Variants in GPC6 observed in about 807,000 individuals in gnomAD.
GPC6 encodes glypican-6.
In GPC6, 14 loss-of-function variants were observed where a neutral mutation model predicts 55.2. That is an observed-to-expected ratio of 0.25 (90% CI 0.17 to 0.40). The LOEUF is 0.40. GPC6 is among the 10% of genes least tolerant of loss of function. GPC6 has a pLI of 1.00. For missense variants in GPC6, 641 were observed against 708.5 expected (o/e 0.90, Z 1.08); for synonymous variants, 278 against 259.6 (o/e 1.07, Z -0.68).
chr13:93,563,496 C>T (rs1220299162), intron 2 of GPC6, among the ~76,000 whole-genome samples: 1 of 152,004 alleles, frequency 6.6e-6, no homozygotes, highest in Admixed American at 6.6e-5. Flanking sequence ...ACAAACAAAA[C>T]AGCCCTGGGC....
intron 1 of GPC6, among the ~76,000 whole-genome samples, chr13:93,274,652 G>A (rs961876146): frequency 1.3e-5 from 2 of 152,142 alleles, no homozygotes; most frequent in Non-Finnish European, 2.9e-5. Flanking sequence ...AATAGAACCT[G>A]CCTTCAGATA....
chr13:93,551,480 T>G (rs922968183), intron 2 of GPC6, among the ~76,000 whole-genome samples: 1 of 152,190 alleles, frequency 6.6e-6, no homozygotes, highest in South Asian at 2.1e-4. Context: ...TAGGTTATTC[T>G]TTTGAAAGCA....
At chr13:94,302,048 G>A (rs908804781) in intron 5 of GPC6, among the ~76,000 whole-genome samples, 15 of 152,090 alleles carry the variant, frequency 9.9e-5, no homozygotes, top group Admixed American at 9.2e-4. Flanking sequence ...AAATTGAGAC[G>A]GTCCAAATTT....
intron 1 of GPC6, among the ~76,000 whole-genome samples, chr13:93,488,157 C>T (rs2067396437): frequency 6.6e-6 from 1 of 152,012 alleles, no homozygotes; most frequent in Non-Finnish European, 1.5e-5. Flanking sequence ...GTGTGATGTT[C>T]CCCTTCCTGT....
At chr13:94,268,894 T>C (rs1020313901) in intron 4 of GPC6, among the ~76,000 whole-genome samples, 2 of 152,180 alleles carry the variant, frequency 1.3e-5, no homozygotes, top group Non-Finnish European at 1.5e-5. Flanking sequence ...CTCTTGAGTA[T>C]GGACATTTTA....
At chr13:93,972,319 AG>A (rs1182788903) in intron 3 of GPC6, among the ~76,000 whole-genome samples, 1 of 152,180 alleles carries the variant, frequency 6.6e-6, no homozygotes, top group African/African-American at 2.4e-5. Flanking sequence ...CCTAAGAAAA[AG>A]AATAGGGATC....
rs1470074012 is a variant in GPC6, at chr13:94,115,460, TTTTC to T, written c.877+87571_877+87574del. Among the ~76,000 whole-genome samples the T allele has an allele frequency of 3.3e-5, 5 of 152,114 alleles. 1 individual carries two copies. The South Asian group carries it at 8.3e-4, about 25-fold the overall frequency. On this transcript the variant is annotated intron_variant, in intron 4 of 8. Transcript: ENST00000377047. ...AATCTCTTCAAACAAAGGGACTGCTTTTTCTTTCATTCAACCTGATTTCTCTGCC... is the reference window on the plus strand; with the variant it reads ...AATCTCTTCAAACAAAGGGACTGCTTTTTCATTCAACCTGATTTCTCTGCC...
At chr13:93,364,623 A>C (rs563496076) in intron 1 of GPC6, among the ~76,000 whole-genome samples, 1 of 151,896 alleles carries the variant, frequency 6.6e-6, no homozygotes, top group Non-Finnish European at 1.5e-5. Flanking sequence ...TATCTCTAAA[A>C]CAATTTCATA....
At chr13:94,151,837 C>A (rs1887753695) in intron 4 of GPC6, among the ~76,000 whole-genome samples, 1 of 152,114 alleles carries the variant, frequency 6.6e-6, no homozygotes, top group Non-Finnish European at 1.5e-5. Context: ...GTCTGTTATC[C>A]TTAGTGCAGA....
At chr13:94,104,641 G>C (rs555454596) in intron 4 of GPC6, among the ~76,000 whole-genome samples, 561 of 152,184 alleles carry the variant, frequency 3.7e-3, no homozygotes, top group Non-Finnish European at 5.0e-3. Context: ...AATCAATGTA[G>C]AAAAATCACA....
At chr13:93,580,916 A>G (rs1420962956) in intron 2 of GPC6, among the ~76,000 whole-genome samples, 1 of 152,168 alleles carries the variant, frequency 6.6e-6, no homozygotes, top group African/African-American at 2.4e-5. Flanking sequence ...TTCTGAATGT[A>G]TAGCTTACCA....
At chr13:93,375,762 G>A (rs1385764135) in intron 1 of GPC6, among the ~76,000 whole-genome samples, 4 of 152,072 alleles carry the variant, frequency 2.6e-5, no homozygotes, top group South Asian at 2.1e-4. Flanking sequence ...ACAGATTCCT[G>A]TGCCAGGCCA....
At position 94,261,134 on chromosome 13, in the gene GPC6, CGTG is replaced by C. The variant is rs1328833690; in HGVS notation, c.878-25207_878-25205del. On this transcript the variant is annotated intron_variant, in intron 4 of 8. Transcript: ENST00000377047. ...ACTAAAAATACAAAAATTAGCCAGG[CGTG>C]GTGGTGGGCGCCTATAATCCCAGCT... Among the ~76,000 whole-genome samples, 9 of 152,056 alleles carry C rather than the reference CGTG, an allele frequency of 5.9e-5. No homozygotes were observed. In the South Asian group the frequency reaches 6.3e-4, roughly 11 times the overall value.
At chr13:94,055,987 A>G (rs994943936) in intron 4 of GPC6, among the ~76,000 whole-genome samples, 5 of 152,110 alleles carry the variant, frequency 3.3e-5, no homozygotes, top group South Asian at 2.1e-4. Flanking sequence ...ACCACCACCT[A>G]ACAGGACTCT....
In GPC6 at chr13:93,259,728, T is replaced by C. The variant is rs1877072400; in HGVS notation, c.160+32112T>C. ...AGTGAATATGCTAACCTTCAGATAG[T>C]TGGGTTCCAGAGTATACATAGGAGT... On this transcript the variant is annotated intron_variant, in intron 1 of 8. Coordinates refer to ENST00000377047, the MANE Select transcript of GPC6 (RefSeq NM_005708.5). Among the ~76,000 whole-genome samples, 4 of 152,142 alleles carry C rather than the reference T, an allele frequency of 2.6e-5. No homozygotes were observed. The South Asian group carries it at 8.3e-4, about 31-fold the overall frequency.
At chr13:94,062,674 T>C (rs1192115721) in intron 4 of GPC6, among the ~76,000 whole-genome samples, 1 of 152,224 alleles carries the variant, frequency 6.6e-6, no homozygotes, top group African/African-American at 2.4e-5. Flanking sequence ...CTAAATTGTT[T>C]ATGGAAGACA....
At chr13:93,917,671 T>G (rs1469784009) in intron 3 of GPC6, among the ~76,000 whole-genome samples, 1 of 152,164 alleles carries the variant, frequency 6.6e-6, no homozygotes, top group East Asian at 1.9e-4. Flanking sequence ...ACCTACACAG[T>G]GAAACCTTGA....
At chr13:93,357,199 G>C (rs1185518632) in intron 1 of GPC6, among the ~76,000 whole-genome samples, 1 of 152,134 alleles carries the variant, frequency 6.6e-6, no homozygotes. Context: ...GGGCAAGTAG[G>C]AGTTTTAAGT....
chr13:94,212,329 T>C (rs533400438), intron 4 of GPC6, among the ~76,000 whole-genome samples: 2 of 152,322 alleles, frequency 1.3e-5, no homozygotes, highest in African/African-American at 4.8e-5. Flanking sequence ...CAAGAGTACT[T>C]AACTCTTTTC....
Sources: allele counts gnomAD v4.1 joint callset (sites outside exome capture counted in the v4.1 genomes callset), GRCh38; gene constraint gnomAD v4.1.1; transcripts MANE v1.5; gene names NCBI Gene and HGNC (gene_info 2026-07-23, HGNC 2026-07-21).